The following STX8 variants were observed in gnomAD, a reference collection of about 807,000 sequenced individuals.
STX8 encodes the protein syntaxin 8, also known as syntaxin-8.
Under a neutral mutation model 37.5 loss-of-function variants are expected in STX8, and 23 were observed. The observed-to-expected ratio is 0.61, with a 90% CI of 0.44 to 0.87. STX8 has a LOEUF of 0.87. Ranked by LOEUF, STX8 falls within the 40% of genes least tolerant of loss-of-function variation. The pLI is 0.00. For synonymous variants in STX8, 115 were observed against 99.1 expected, an observed-to-expected ratio of 1.16 and a Z score of -0.95; for missense variants, 313 against 284.7, an observed-to-expected ratio of 1.10 and a Z score of -0.71.
At chr17:9,357,423 C>T (rs1910922043) in intron 7 of STX8, among the ~76,000 whole-genome samples, 1 of 152,062 alleles carries the variant, frequency 6.6e-6, no homozygotes, top group African/African-American at 2.4e-5. Context: ...GGCACGGTGG[C>T]TCACGCCTGT....
intron 6 of STX8, among the ~76,000 whole-genome samples, chr17:9,395,851 C>T (rs965066004): frequency 6.6e-6 from 1 of 152,152 alleles, no homozygotes; most frequent in Non-Finnish European, 1.5e-5. Context: ...AATTAGTCCT[C>T]CCAGATGACC....
chr17:9,358,400 A>G (rs532034621), intron 7 of STX8, among the ~76,000 whole-genome samples: 2 of 152,338 alleles, frequency 1.3e-5, no homozygotes, highest in African/African-American at 4.8e-5. Context: ...AAGGGCAGCC[A>G]TGGTACACCA....
chr17:9,417,069 C>T (rs1913225924), intron 6 of STX8, among the ~76,000 whole-genome samples: 1 of 152,180 alleles, frequency 6.6e-6, no homozygotes, highest in African/African-American at 2.4e-5. Flanking sequence ...GGTTCCTCTC[C>T]AGCCAATCAG....
rs1009971082 is a variant in STX8 at position 9,559,734 on chromosome 17, TTA to T, written c.118-2208_118-2207del. Among the ~76,000 whole-genome samples the T allele has an allele frequency of 2.8e-3, 138 of 48,746 alleles. 4 individuals are homozygous for T. The highest frequency in any genetic ancestry group is 6.1e-3 in the African/African-American group (87 of 14,184). The allele number at this position is 48,746 out of a possible 152,430, so 32.0% of individuals were successfully genotyped here. On this transcript the variant is annotated intron_variant, in intron 2 of 7. Transcript: ENST00000306357. ...AATCAACTGAAAGATTATTATTATT[TTA>T]TATATATATATATATATATATATAT...
At position 9,568,377 on chromosome 17, in the gene STX8, T is replaced by C; in HGVS notation, c.111A>G (p.Ala37=). Residue 37 remains alanine (A), a synonymous_variant, in exon 2 of 8, where the codon GCA becomes GCG. Transcript: ENST00000306357. The stretch of plus-strand genomic sequence containing the variant: ...AATTCCTTCATGGTATTACCTTTGG[T>C]GCCTTTTCACCTTTTCTTTCATATT... The part of the protein sequence containing the change: ...RNQYERKGEK[A]PKLTVTIRAL... The C allele has an allele frequency of 6.2e-7, 1 of 1,610,510 alleles. No individual in the cohort carries two copies. Among genetic ancestry groups the C allele is most frequent in the Non-Finnish European group, 8.5e-7 (1 of 1,178,706 alleles).
At chr17:9,519,657 A>G (rs1905267543) in intron 4 of STX8, among the ~76,000 whole-genome samples, 3 of 152,172 alleles carry the variant, frequency 2.0e-5, no homozygotes, top group African/African-American at 7.2e-5. Context: ...AGAAGCTACA[A>G]CATGGCTACG....
chr17:9,330,078 A>G (rs1486920656), intron 7 of STX8, among the ~76,000 whole-genome samples: 1 of 152,074 alleles, frequency 6.6e-6, no homozygotes, highest in Non-Finnish European at 1.5e-5. Flanking sequence ...TTCAAAGGGA[A>G]AGGGAGAGGA....
intron 6 of STX8, among the ~76,000 whole-genome samples, chr17:9,445,118 C>G (rs1227069377): frequency 6.6e-6 from 1 of 151,974 alleles, no homozygotes; most frequent in East Asian, 1.9e-4. Flanking sequence ...CACTCTCTGC[C>G]CAGAAAAATA....
At chr17:9,546,914 T>G (rs1464821661) in intron 3 of STX8, among the ~76,000 whole-genome samples, 1 of 151,514 alleles carries the variant, frequency 6.6e-6, no homozygotes, top group East Asian at 2.0e-4. Flanking sequence ...TTTGTTTGTT[T>G]GTTTTTAGGC....
chr17:9,360,712 C>A (rs1475632046), intron 7 of STX8, among the ~76,000 whole-genome samples: 1 of 144,798 alleles, frequency 6.9e-6, no homozygotes, highest in Non-Finnish European at 1.5e-5. Flanking sequence ...ATTTTGAAAG[C>A]AACGACCGTT....
At chr17:9,566,695 G>A (rs1907472866) in intron 2 of STX8, among the ~76,000 whole-genome samples, 1 of 152,082 alleles carries the variant, frequency 6.6e-6, no homozygotes, top group Non-Finnish European at 1.5e-5. Context: ...GCTGGGGCAG[G>A]AGAATGGCTT....
At chr17:9,339,070 C>CAAAAAAAAAAAAAAAAAAAAAAA (rs34987749) in intron 7 of STX8, among the ~76,000 whole-genome samples, 20 of 70,018 alleles carry the variant, frequency 2.9e-4, no homozygotes, top group African/African-American at 1.2e-3. Context: ...GACTCCGTCT[C>CAAAAAAAAAAAAAAAAAAAAAAA]AAAAAAAAAA....
intron 4 of STX8, among the ~76,000 whole-genome samples, chr17:9,530,879 A>C (rs1905788296): frequency 6.6e-6 from 1 of 152,196 alleles, no homozygotes; most frequent in Non-Finnish European, 1.5e-5. Flanking sequence ...CTGTTTAAGA[A>C]ATCTTTGGCT....
rs538981801 is a variant in STX8 at position 9,563,213 on chromosome 17, ATT to A, written c.117+5156_117+5157del. ...TATTTATTTATTGAGACAGAGTTTC[ATT>A]CTTGTCACCCAGGATGGAGTGCAGT... On this transcript the variant is annotated intron_variant, in intron 2 of 7. Coordinates refer to ENST00000306357, the MANE Select transcript of STX8 (RefSeq NM_004853.3). Among the ~76,000 whole-genome samples the A allele has an allele frequency of 2.5e-3, 370 of 148,176 alleles. 3 individuals carry two copies. Among genetic ancestry groups the A allele is most frequent in the Middle Eastern group, 0.014 (4 of 288 alleles).
chr17:9,391,107 G>C (rs1912204333), intron 6 of STX8, among the ~76,000 whole-genome samples: 1 of 151,848 alleles, frequency 6.6e-6, no homozygotes, highest in African/African-American at 2.4e-5. Flanking sequence ...GATAGATTAG[G>C]AACAGATGCC....
At chr17:9,387,192 C>T (rs1363083738) in intron 6 of STX8, among the ~76,000 whole-genome samples, 1 of 152,208 alleles carries the variant, frequency 6.6e-6, no homozygotes, top group Non-Finnish European at 1.5e-5. Flanking sequence ...GCATAGTATT[C>T]TTCCTAAAAA....
At chr17:9,510,929 A>G (rs1475198419) in intron 4 of STX8, among the ~76,000 whole-genome samples, 1 of 152,132 alleles carries the variant, frequency 6.6e-6, no homozygotes, top group East Asian at 1.9e-4. Flanking sequence ...AGGAGACATG[A>G]CAATGGATGC....
chr17:9,256,191 G>C (rs1198072011), intron 7 of STX8, among the ~76,000 whole-genome samples: 2 of 152,242 alleles, frequency 1.3e-5, no homozygotes, highest in African/African-American at 4.8e-5. Flanking sequence ...CCTCTGGCGG[G>C]TAAGAGGAAG....
intron 6 of STX8, among the ~76,000 whole-genome samples, chr17:9,383,612 A>T (rs1353879772): frequency 6.6e-6 from 1 of 152,144 alleles, no homozygotes; most frequent in East Asian, 1.9e-4. Context: ...ACATTTTATT[A>T]GAAGTCCCAG....
Sources: gnomAD v4.1 joint callset for allele counts (sites outside exome capture counted in the v4.1 genomes callset) on GRCh38, gnomAD v4.1.1 for gene constraint, MANE v1.5 for transcripts, NCBI Gene and HGNC (gene_info 2026-07-23, HGNC 2026-07-21) for gene names.